The following AIG1 variants were observed in gnomAD, a reference collection of about 807,000 sequenced individuals.
The protein encoded by AIG1 is androgen induced 1.
A neutral mutation model predicts 31.4 loss-of-function variants in AIG1; 23 were observed. The ratio of observed to expected loss-of-function variants is 0.73; its 90% confidence interval spans 0.53 to 1.04. The LOEUF (loss-of-function observed/expected upper bound fraction) is 1.04. Among genes scored for constraint, AIG1 ranks in the 50% least tolerant of loss-of-function variants. The pLI, the probability that AIG1 is intolerant of heterozygous loss-of-function variation, is 0.00. For synonymous variants in AIG1, 100 were observed against 110.5 expected (o/e 0.90, Z 0.60); for missense variants, 274 against 295.0 (o/e 0.93, Z 0.52).
intron 5 of AIG1, among the ~76,000 whole-genome samples, chr6:143,337,047 G>A (rs995935345): frequency 2.0e-5 from 3 of 152,194 alleles, no homozygotes; most frequent in African/African-American, 7.2e-5. Flanking sequence ...GGCTCACAGG[G>A]GAGGGGATGC....
chr6:143,250,307 TAAATGTTTTCATG>T (rs1359458729), intron 3 of AIG1, among the ~76,000 whole-genome samples: 9 of 152,256 alleles, frequency 5.9e-5, no homozygotes, highest in Non-Finnish European at 1.3e-4. Context: ...TTTTACGTTT[TAAATGTTTTCATG>T]CCACTTACTC....
chr6:143,065,136 T>A (rs574620490), intron 1 of AIG1, among the ~76,000 whole-genome samples: 2 of 152,334 alleles, frequency 1.3e-5, no homozygotes, highest in African/African-American at 4.8e-5. Flanking sequence ...TGTTGGTTAA[T>A]CAGTTAAGGC....
At position 143,334,221 on chromosome 6, in the gene AIG1, C is replaced by A; in HGVS notation, c.679+776C>A. On this transcript the variant is annotated intron_variant, in intron 5 of 5. Coordinates refer to ENST00000357847, the MANE Select transcript of AIG1 (RefSeq NM_016108.4). The surrounding 1 kb of genome is among the most constrained non-coding windows in gnomAD (Gnocchi z 5.1). Reference sequence around the variant, plus strand: ...ATTGAGTCCTGCATGAAAATACATCCAAAGGCAAGATGGTTTGGAGATTTT... The same window carrying A: ...ATTGAGTCCTGCATGAAAATACATCAAAAGGCAAGATGGTTTGGAGATTTT... The A allele has an allele frequency of 2.2e-6, 2 of 928,228 alleles. No individual in the cohort carries two copies. Among genetic ancestry groups the A allele is most frequent in the South Asian group, 4.3e-5 (2 of 46,174 alleles). 57.5% of individuals were successfully genotyped at this position (928,228 alleles called of 1,614,324 possible). A position where few individuals can be genotyped will look rare whatever the true frequency, so the allele number is the denominator to read the frequency against.
At chr6:143,074,839 G>GT (rs1777594573) in intron 1 of AIG1, among the ~76,000 whole-genome samples, 1 of 152,022 alleles carries the variant, frequency 6.6e-6, no homozygotes, top group African/African-American at 2.4e-5. Flanking sequence ...TTCTTTTATT[G>GT]TTTTTGGCTT....
intron 1 of AIG1, among the ~76,000 whole-genome samples, chr6:143,075,090 C>T (rs1291184617): frequency 6.6e-6 from 1 of 152,160 alleles, no homozygotes; most frequent in Non-Finnish European, 1.5e-5. Flanking sequence ...TTTCATCTTT[C>T]AGCATTTCCT....
upstream of AIG1, chr6:143,060,756 G>C (rs1583025855): frequency 5.1e-6 from 1 of 196,586 alleles, no homozygotes; most frequent in Non-Finnish European, 9.9e-6. Flanking sequence ...GGCGCTCGCG[G>C]CCGCGCCAGT....
intron 3 of AIG1, among the ~76,000 whole-genome samples, chr6:143,271,491 G>A (rs1796526288): frequency 6.6e-6 from 1 of 152,178 alleles, no homozygotes; most frequent in Non-Finnish European, 1.5e-5. Context: ...TCTTATTGCT[G>A]CTAGTAGACG....
At chr6:143,148,335 T>TAAA (rs1784878548) in intron 2 of AIG1, among the ~76,000 whole-genome samples, 1 of 67,828 alleles carries the variant, frequency 1.5e-5, no homozygotes, top group African/African-American at 6.7e-5. Context: ...ATCCCATCTC[T>TAAA]ACAAAAAAAA....
rs114430010 is a variant in AIG1 at position 143,258,395 on chromosome 6, T to C, written c.400-25715T>C. On this transcript the variant is annotated intron_variant, in intron 3 of 5. Coordinates refer to ENST00000357847, the MANE Select transcript of AIG1 (RefSeq NM_016108.4). The surrounding 1 kb of genome is among the most constrained non-coding windows in gnomAD (Gnocchi z 4.7). ...GTTTGTACTGATTCAGCAATGCTGATTGTATGTGATTCCAATGCAAAAATT... is the reference window on the plus strand; with the variant it reads ...GTTTGTACTGATTCAGCAATGCTGACTGTATGTGATTCCAATGCAAAAATT... Among the ~76,000 whole-genome samples, 1,074 of 152,352 alleles carry C rather than the reference T, an allele frequency of 7.0e-3. 8 individuals carry two copies. The highest frequency in any genetic ancestry group is 0.025 in the African/African-American group (1,021 of 41,578).
chr6:143,297,259 A>T lies in AIG1; in HGVS notation c.515+13034A>T, dbSNP rs1345599538. On this transcript the variant is annotated intron_variant, in intron 4 of 5. Transcript: ENST00000357847. The surrounding 1 kb of genome is among the most constrained non-coding windows in gnomAD (Gnocchi z 5.1). The stretch of plus-strand genomic sequence containing the variant: ...CAGGCAGAAAAAGCAGATGGCCTAG[A>T]AGCAACGGAGAGGAAACCATAGTCA... Among the ~76,000 whole-genome samples, 2 of 152,132 alleles carry T rather than the reference A, an allele frequency of 1.3e-5. No homozygotes were observed. The highest frequency in any genetic ancestry group is 2.4e-5 in the African/African-American group (1 of 41,412).
chr6:143,098,629 T>G (rs892176112), intron 1 of AIG1, among the ~76,000 whole-genome samples: 24 of 152,220 alleles, frequency 1.6e-4, no homozygotes, highest in African/African-American at 5.5e-4. Flanking sequence ...GAGCTCTATA[T>G]TCTTGTATCT....
chr6:143,124,476 T>A (rs1483230013), intron 1 of AIG1, among the ~76,000 whole-genome samples: 2 of 152,160 alleles, frequency 1.3e-5, no homozygotes, highest in East Asian at 3.9e-4. Flanking sequence ...GTGAACTCCT[T>A]CTGTGCACCT....
intron 3 of AIG1, among the ~76,000 whole-genome samples, chr6:143,178,078 C>T (rs972945039): frequency 6.6e-6 from 1 of 152,178 alleles, no homozygotes; most frequent in Non-Finnish European, 1.5e-5. Context: ...AGGCTTCAGG[C>T]AGGTAGCTCT....
intron 3 of AIG1, among the ~76,000 whole-genome samples, chr6:143,193,126 T>C (rs557648197): frequency 6.6e-4 from 101 of 152,278 alleles, no homozygotes; most frequent in Non-Finnish European, 1.0e-3. Flanking sequence ...GCAAAACCAC[T>C]CTGAAGAGAT....
intron 3 of AIG1, among the ~76,000 whole-genome samples, chr6:143,259,384 T>C (rs80257358): frequency 0.01 from 1,566 of 152,290 alleles, 44 homozygotes; most frequent in East Asian, 0.065. Flanking sequence ...CTTCCCCTTG[T>C]CTTCCCTGAT....
Position 143,293,006 on chromosome 6 carries a change from G to A in AIG1, c.515+8781G>A, listed in dbSNP as rs1562563929. ...GTTCCCGTCTTCCTCGGGTCTTTGA[G>A]CAAATTACTTATCCTCTCTTAGCCT... On this transcript the variant is annotated intron_variant, in intron 4 of 5. Coordinates refer to ENST00000357847, the MANE Select transcript of AIG1 (RefSeq NM_016108.4). This position sits in a 1 kb window ranked among gnomAD's most constrained non-coding sequence, Gnocchi z 4.8. 6.6e-6 allele frequency among the ~76,000 whole-genome samples: 1 copy of A among 152,126 alleles called. No individual in the cohort carries two copies. Among genetic ancestry groups the A allele is most frequent in the Admixed American group, 6.6e-5 (1 of 15,266 alleles).
At chr6:143,342,746 C>CG, downstream of AIG1, 1 of 852,214 alleles carries the variant, frequency 1.2e-6, no homozygotes, top group Admixed American at 1.7e-5. Context: ...TGATGGCCAG[C>CG]GGACTCAGGT....
intron 1 of AIG1, among the ~76,000 whole-genome samples, chr6:143,073,185 T>C (rs1777447857): frequency 6.6e-6 from 1 of 152,234 alleles, no homozygotes; most frequent in African/African-American, 2.4e-5. Flanking sequence ...TCTAGGCTCA[T>C]TCATGTTGTG....
intron 3 of AIG1, among the ~76,000 whole-genome samples, chr6:143,181,255 G>T (rs1371517893): frequency 6.6e-6 from 1 of 152,096 alleles, no homozygotes; most frequent in Non-Finnish European, 1.5e-5. Flanking sequence ...TAAGAAACTG[G>T]AACAGAGATC....
Sources: allele counts gnomAD v4.1 joint callset (sites outside exome capture counted in the v4.1 genomes callset), GRCh38; gene constraint gnomAD v4.1.1; non-coding constraint Gnocchi (gnomAD v3.1); transcripts MANE v1.5; gene names NCBI Gene and HGNC (gene_info 2026-07-23, HGNC 2026-07-21).